Variants in ETNK2 observed in about 807,000 individuals in gnomAD.
ETNK2 encodes the protein ethanolamine kinase 2.
Under a neutral mutation model 46.2 loss-of-function variants are expected in ETNK2, and 33 were observed. That is an observed-to-expected ratio of 0.71 (90% CI 0.54 to 0.96). The LOEUF (loss-of-function observed/expected upper bound fraction) is 0.96. ETNK2 is among the 40% of genes least tolerant of loss of function. The pLI is 0.00. For synonymous variants in ETNK2, 194 were observed against 209.0 expected (o/e 0.93, Z 0.62); for missense variants, 445 against 509.7 (o/e 0.87, Z 1.22).
Position 204,150,141 on chromosome 1 carries a change from T to C in ETNK2, c.259-179A>G, listed in dbSNP as rs554839148. On this transcript the variant is annotated intron_variant, in intron 1 of 7. Transcript: ENST00000367202. ...TCCTCTCTGTCCCCAACCTTGGGAG[T>C]CTCCAGTCTCTATAGAGTTCAAGAA... Among the ~76,000 whole-genome samples, 13 of 151,934 alleles carry C rather than the reference T, an allele frequency of 8.6e-5. No homozygotes were observed. The South Asian group carries it at 2.7e-3, about 32-fold the overall frequency.
At chr1:204,140,245 A>G (rs764024636) in intron 4 of ETNK2, 127 bp from the exon 5 acceptor site, 53 of 691,554 alleles carry the variant, frequency 7.7e-5, no homozygotes, top group Admixed American at 3.5e-4. Flanking sequence ...ACCCTGCCCA[A>G]TCCCATCACT....
At chr1:204,137,387 G>T in intron 5 of ETNK2, 138 bp from the exon 6 acceptor site, 1 of 1,103,914 alleles carries the variant, frequency 9.1e-7, no homozygotes. Flanking sequence ...GAGGCGGCCC[G>T]AGAAGGCAGC....
At chr1:204,149,598 A>G in intron 2 of ETNK2, 105 bp downstream of exon 2, 1 of 1,359,862 alleles carries the variant, frequency 7.4e-7, no homozygotes. Flanking sequence ...AATTTCAGGG[A>G]ACTCACAGAT....
chr1:204,150,392 C>T (rs991658528), intron 1 of ETNK2: 1 of 228,048 alleles, frequency 4.4e-6, no homozygotes, highest in Non-Finnish European at 8.7e-6. Context: ...TCACCTTGTG[C>T]CGGGCAGTGT....
chr1:204,132,322 T>C, intron 7 of ETNK2, 66 bp from the exon 8 acceptor site: 3 of 1,315,450 alleles, frequency 2.3e-6, no homozygotes, highest in Non-Finnish European at 3.2e-6. Flanking sequence ...CTGGGGGTGC[T>C]GACATCATGA....
At chr1:204,149,562 T>G (rs1236641837) in intron 2 of ETNK2, 141 bp downstream of exon 2, 4 of 1,057,152 alleles carry the variant, frequency 3.8e-6, no homozygotes, top group Non-Finnish European at 5.3e-6. Flanking sequence ...TGCAGAGCAA[T>G]GCATATAAAC....
At chr1:204,141,488 A>G in intron 3 of ETNK2, 31 bp from the exon 4 acceptor site, 5 of 1,554,448 alleles carry the variant, frequency 3.2e-6, no homozygotes, top group Middle Eastern at 1.8e-4. Context: ...TAGCCAGTGA[A>G]AGGAGGGCTG....
At chr1:204,140,879 G>A (rs1657492357) in intron 4 of ETNK2, 1 of 302,578 alleles carries the variant, frequency 3.3e-6, no homozygotes, top group Non-Finnish European at 6.3e-6. Context: ...CTGGAGTGTA[G>A]TGGCTCCATC....
At chr1:204,133,538 T>A (rs2887276) in intron 7 of ETNK2, among the ~76,000 whole-genome samples, 90,694 of 145,720 alleles carry the variant, frequency 0.62, 28,859 homozygotes, top group Admixed American at 0.7. Context: ...TATTTTATTT[T>A]TTTTTTTTTT....
chr1:204,136,425 A>ATATATATATATATATATATATATATG (rs1553301315), intron 6 of ETNK2, among the ~76,000 whole-genome samples: 3 of 149,412 alleles, frequency 2.0e-5, no homozygotes, highest in African/African-American at 7.5e-5. Flanking sequence ...ATATATATAT[A>ATATATATATATATATATATATATATG]TATGCCGGGC....
intron 6 of ETNK2, 36 bp downstream of exon 6, chr1:204,137,068 C>G: frequency 6.2e-7 from 1 of 1,609,188 alleles, no homozygotes; most frequent in Non-Finnish European, 8.5e-7. Flanking sequence ...GCTAACTCCT[C>G]CTTTCCTGCC....
chr1:204,146,710 C>T lies in ETNK2; in HGVS notation c.573G>A (p.Leu191=). The change falls in exon 3 of 8, where the codon CTG becomes CTA. Residue 191 remains leucine, a synonymous_variant. Coordinates refer to ENST00000367202, the MANE Select transcript of ETNK2 (RefSeq NM_018208.4). ...TCTTGTGCCAGAGGATGGGCTTGGGCAGGCTGCCGTTGGCGTGGATAGTAT... is the reference window on the plus strand; with the variant it reads ...TCTTGTGCCAGAGGATGGGCTTGGGTAGGCTGCCGTTGGCGTGGATAGTAT... ...KIHTIHANGS[L]PKPILWHKMH... The T allele has an allele frequency of 6.2e-7, 1 of 1,614,028 alleles. No homozygotes were observed. The highest frequency in any genetic ancestry group is 1.7e-5 in the Admixed American group (1 of 60,030).
intron 3 of ETNK2, chr1:204,142,919 C>T (rs1163807818): frequency 6.6e-6 from 1 of 152,212 alleles, no homozygotes; most frequent in Non-Finnish European, 1.5e-5. Context: ...GAGCCTCCCT[C>T]CAAGCCTCCA....
chr1:204,149,542 A>T (rs1234695980), intron 2 of ETNK2, among the ~76,000 whole-genome samples, 161 bp downstream of exon 2: 3 of 152,224 alleles, frequency 2.0e-5, no homozygotes, highest in Non-Finnish European at 4.4e-5. Flanking sequence ...AGAAAGCGAT[A>T]GCCCCTCTCT....
At chr1:204,139,117 A>G (rs1462060803) in intron 5 of ETNK2, among the ~76,000 whole-genome samples, 1 of 152,198 alleles carries the variant, frequency 6.6e-6, no homozygotes. Flanking sequence ...CAAGGGTCAC[A>G]CAGCCAGTAA....
chr1:204,141,595 A>G, intron 3 of ETNK2, 138 bp from the exon 4 acceptor site: 1 of 895,106 alleles, frequency 1.1e-6, no homozygotes, highest in Non-Finnish European at 1.7e-6. Flanking sequence ...AATCTCTTAG[A>G]CCCTCACTTT....
intron 3 of ETNK2, among the ~76,000 whole-genome samples, chr1:204,144,709 T>G (rs1657710204): frequency 1.3e-5 from 2 of 152,106 alleles, no homozygotes; most frequent in South Asian, 4.1e-4. Context: ...AACTCTGTAG[T>G]CCACCCCCGC....
chr1:204,141,479 A>C, intron 3 of ETNK2, 22 bp from the exon 4 acceptor site: 1 of 1,558,326 alleles, frequency 6.4e-7, no homozygotes, highest in South Asian at 1.2e-5. Context: ...CAAAAAAGGT[A>C]GCCAGTGAAA....
At chr1:204,134,809 T>G in intron 6 of ETNK2, 2 of 1,031,868 alleles carry the variant, frequency 1.9e-6, no homozygotes, top group Non-Finnish European at 2.9e-6. Context: ...GCAGAGCTAG[T>G]TCTACCGAGG....
Sources: gnomAD v4.1 joint callset for allele counts (sites outside exome capture counted in the v4.1 genomes callset) on GRCh38, gnomAD v4.1.1 for gene constraint, MANE v1.5 for transcripts, NCBI Gene and HGNC (gene_info 2026-07-23, HGNC 2026-07-21) for gene names.